Variants in ZNF107 observed in about 807,000 individuals in gnomAD.
ZNF107 encodes zinc finger protein 107, also known as C2H2 type zinc-finger protein.
In ZNF107, 19 loss-of-function variants were observed where a neutral mutation model predicts 12.3. The observed-to-expected ratio is 1.55, with a 90% CI of 1.08 to 2.27. ZNF107 has a LOEUF of 2.27. ZNF107 is among the 30% of genes most tolerant of loss of function. The pLI is 0.00. For missense variants in ZNF107, 958 were observed against 979.9 expected, an observed-to-expected ratio of 0.98 and a Z score of 0.30; for synonymous variants, 317 against 330.5, an observed-to-expected ratio of 0.96 and a Z score of 0.44.
chr7:64,691,298 G>A lies in ZNF107; in HGVS notation c.54G>A (p.Trp18Ter). ...DVAIEFSLEE[W>*]QCLDTAQRDL... ...CCATAGAATTCTCTCTGGAGGAGTGGCAATGCCTGGATACTGCACAGCGGG... is the reference window on the plus strand; with the variant it reads ...CCATAGAATTCTCTCTGGAGGAGTGACAATGCCTGGATACTGCACAGCGGG... Residue 18 changes from tryptophan (W) to a stop codon, truncating the protein, a stop_gained, in exon 2 of 4, where the codon TGG becomes TGA. Transcript: ENST00000620827. LOFTEE classifies it high-confidence loss of function. 1.3e-6 allele frequency: 2 copies of A among 1,554,578 alleles called. No homozygotes were observed. Among genetic ancestry groups the A allele is most frequent in the Non-Finnish European group, 1.7e-6 (2 of 1,152,318 alleles).
intron 1 of ZNF107, among the ~76,000 whole-genome samples, chr7:64,690,735 A>G (rs1196681158): frequency 6.6e-6 from 1 of 151,534 alleles, no homozygotes; most frequent in Non-Finnish European, 1.5e-5. Flanking sequence ...CTTTTATCCT[A>G]TACATTTTTT....
At chr7:64,689,122 G>T (rs904802935) in intron 1 of ZNF107, among the ~76,000 whole-genome samples, 5 of 152,090 alleles carry the variant, frequency 3.3e-5, no homozygotes, top group African/African-American at 9.7e-5. Flanking sequence ...TTCCTTTCAA[G>T]TAGACATATT....
intron 2 of ZNF107, among the ~76,000 whole-genome samples, chr7:64,691,657 T>C (rs1030477685): frequency 6.6e-6 from 1 of 152,146 alleles, no homozygotes; most frequent in African/African-American, 2.4e-5. Context: ...CGCCTTAAAA[T>C]CTAATTTCCA....
chr7:64,669,519 TG>T (rs1032460678), intron 1 of ZNF107, among the ~76,000 whole-genome samples: 9 of 152,078 alleles, frequency 5.9e-5, no homozygotes, highest in African/African-American at 1.4e-4. Flanking sequence ...CTTGGTTGGG[TG>T]CAGTGGCTCA....
rs1439659913 is a variant in ZNF107, at chr7:64,691,271, C to T, written c.27C>T (p.Val9=). 22 of 1,537,930 alleles carry T rather than the reference C, an allele frequency of 1.4e-5. No individual in the cohort carries two copies. The highest frequency in any genetic ancestry group is 1.7e-4 in the Middle Eastern group (1 of 5,724). MEPLTFKD[V]AIEFSLEEWQ... The stretch of plus-strand genomic sequence containing the variant: ...AGGAACCACTGACATTTAAAGATGT[C>T]GCCATAGAATTCTCTCTGGAGGAGT... The change falls in exon 2 of 4, where the codon GTC becomes GTT. Residue 9 remains valine, a synonymous_variant. Coordinates refer to ENST00000620827, the MANE Select transcript of ZNF107 (RefSeq NM_001282359.2).
At chr7:64,671,641 C>G (rs1325175027) in intron 1 of ZNF107, among the ~76,000 whole-genome samples, 1 of 152,078 alleles carries the variant, frequency 6.6e-6, no homozygotes, top group Non-Finnish European at 1.5e-5. Context: ...TTCCTTTTAA[C>G]TTTTATTTCT....
rs568246539 is a variant in ZNF107, at chr7:64,685,987, T to C, written c.4-5261T>C. On this transcript the variant is annotated intron_variant, in intron 1 of 3. Coordinates refer to ENST00000620827, the MANE Select transcript of ZNF107 (RefSeq NM_001282359.2). ...AGGTTTGTCCCCTTCCCTGTCCTAC[T>C]ATCATACACTCTCAAAGGATCTCTC... is the stretch of plus-strand genomic sequence containing the variant. 1.8e-4 allele frequency among the ~76,000 whole-genome samples: 28 copies of C among 152,226 alleles called. 1 individual carries two copies. The South Asian group carries it at 3.9e-3, about 21-fold the overall frequency.
At position 64,708,334 on chromosome 7, in the gene ZNF107, C is replaced by T. The variant is rs775924458; in HGVS notation, c.2237C>T (p.Ser746Leu). 1.1e-5 allele frequency: 18 copies of T among 1,613,240 alleles called. No homozygotes were observed. In the South Asian group the frequency reaches 1.2e-4, roughly 11 times the overall value. Residue 746 changes from serine to leucine, a missense_variant, in exon 4 of 4, where the codon TCA (serine) becomes TTA (leucine). By Grantham distance (145) the Ser-to-Leu change is moderately radical. Transcript: ENST00000620827. Reference sequence around the variant, plus strand: ...TGTGGCAAAGCTTTTAACCTATCCTCAACCCTTACTGCACATAAGAAAATT... The same window carrying T: ...TGTGGCAAAGCTTTTAACCTATCCTTAACCCTTACTGCACATAAGAAAATT... ...KECGKAFNLSSTLTAHKKIHT... is the reference protein window; with the variant it reads ...KECGKAFNLSLTLTAHKKIHT...
intron 1 of ZNF107, among the ~76,000 whole-genome samples, chr7:64,682,880 C>G (rs959095270): frequency 9.8e-5 from 15 of 152,318 alleles, no homozygotes; most frequent in African/African-American, 3.6e-4. Flanking sequence ...CAGCCTTTCA[C>G]TTAGCACCCA....
At chr7:64,684,442 G>T in intron 1 of ZNF107, 22 of 341,394 alleles carry the variant, frequency 6.4e-5, no homozygotes, top group Non-Finnish European at 8.3e-5. Context: ...GGTCGTTTAT[G>T]GTACCCCAAT....
chr7:64,696,067 A>ATT (rs879605438), intron 3 of ZNF107, among the ~76,000 whole-genome samples: 3 of 144,266 alleles, frequency 2.1e-5, no homozygotes, highest in Non-Finnish European at 3.1e-5. Context: ...CCTCTCTACA[A>ATT]TTTTTTTTTT....
chr7:64,701,275 A>G (rs1410623745), intron 3 of ZNF107, among the ~76,000 whole-genome samples: 1 of 152,062 alleles, frequency 6.6e-6, no homozygotes. Context: ...CTCAATGCTA[A>G]TATGAGTTTC....
intron 1 of ZNF107, among the ~76,000 whole-genome samples, chr7:64,672,033 G>T (rs1046653631): frequency 6.6e-6 from 1 of 151,794 alleles, no homozygotes; most frequent in African/African-American, 2.4e-5. Flanking sequence ...TGATCCACCC[G>T]CCTCGGCCTC....
At chr7:64,688,169 C>T (rs781697247) in intron 1 of ZNF107, among the ~76,000 whole-genome samples, 1 of 152,032 alleles carries the variant, frequency 6.6e-6, no homozygotes, top group Non-Finnish European at 1.5e-5. Flanking sequence ...AGACCAGAAA[C>T]TGCTTCAGAG....
At chr7:64,694,584 C>G (rs752459954) in intron 3 of ZNF107, among the ~76,000 whole-genome samples, 1 of 150,662 alleles carries the variant, frequency 6.6e-6, no homozygotes, top group Admixed American at 6.6e-5. Context: ...TGAGGCTGGT[C>G]TTTAAATCCT....
chr7:64,706,975 T>C lies in ZNF107; in HGVS notation c.878T>C (p.Val293Ala), dbSNP rs769157158. The part of the protein sequence containing the change: ...KPYKYEECGK[V>A]FSQSSHLTTQ... ...TACAAATATGAAGAATGTGGCAAAG[T>C]CTTTAGCCAGTCCTCACACCTTACT... The change falls in exon 4 of 4, where the codon GTC becomes GCC. Residue 293 changes from valine (V) to alanine (A), a missense_variant. Physicochemically the swap from Val to Ala is moderately conservative, Grantham distance 64. Transcript: ENST00000620827. 1.2e-6 allele frequency: 2 copies of C among 1,613,040 alleles called. No homozygotes were observed. Among genetic ancestry groups the C allele is most frequent in the Non-Finnish European group, 1.7e-6 (2 of 1,179,614 alleles).
intron 3 of ZNF107, among the ~76,000 whole-genome samples, chr7:64,705,822 G>C (rs1207455334): frequency 6.7e-6 from 1 of 149,944 alleles, no homozygotes; most frequent in Non-Finnish European, 1.5e-5. Context: ...ATTTACCTTT[G>C]ATCTCAGCAA....
intron 1 of ZNF107, chr7:64,684,489 C>A (rs1290387905): frequency 1.3e-6 from 1 of 786,972 alleles, no homozygotes; most frequent in African/African-American, 1.9e-5. Context: ...AGTGGATTCA[C>A]CCTTCCAGAG....
Position 64,706,305 on chromosome 7 carries a change from T to C in ZNF107, c.227-19T>C. On this transcript the variant is annotated intron_variant, in intron 3 of 3. Transcript: ENST00000620827. ...TGAGTCTAGCAAGTGGAGTAATTTATTATTTTTATTTCTTTCAGTAATGTC... is the reference window on the plus strand; with the variant it reads ...TGAGTCTAGCAAGTGGAGTAATTTACTATTTTTATTTCTTTCAGTAATGTC... The C allele has an allele frequency of 6.7e-7, 1 of 1,503,282 alleles. No homozygotes were observed. The highest frequency in any genetic ancestry group is 8.9e-7 in the Non-Finnish European group (1 of 1,126,960). The allele number at this position is 1,503,282 out of a possible 1,614,324, so 93.1% of individuals were successfully genotyped here. A position where few individuals can be genotyped will look rare whatever the true frequency, so the allele number is the denominator to read the frequency against.
Sources: gnomAD v4.1 joint callset for allele counts (sites outside exome capture counted in the v4.1 genomes callset) on GRCh38, gnomAD v4.1.1 for gene constraint, MANE v1.5 for transcripts, NCBI Gene and HGNC (gene_info 2026-07-23, HGNC 2026-07-21) for gene names.